KIAA2012: variants seen among roughly 807,000 people sequenced by gnomAD.
KIAA2012 encodes uncharacterized protein KIAA2012.
Under a neutral mutation model 150.6 loss-of-function variants are expected in KIAA2012, and 125 were observed. That is an observed-to-expected ratio of 0.83 (90% CI 0.72 to 0.96). KIAA2012 has a LOEUF of 0.96. KIAA2012 is among the 40% of genes least tolerant of loss of function. The pLI, the probability that KIAA2012 is intolerant of heterozygous loss-of-function variation, is 0.00. For missense variants in KIAA2012, 1,219 were observed against 1,354.9 expected (o/e 0.90, Z 1.57); for synonymous variants, 462 against 504.7 (o/e 0.92, Z 1.13).
intron 2 of KIAA2012, among the ~76,000 whole-genome samples, chr2:202,084,298 C>T (rs143471415): frequency 3.3e-3 from 504 of 152,270 alleles, no homozygotes; most frequent in African/African-American, 0.011. Flanking sequence ...CAAGCCCTAC[C>T]GTCTCCTTCT....
At chr2:202,109,549 C>G in intron 9 of KIAA2012, 64 bp from the exon 10 acceptor site, 108 of 1,371,580 alleles carry the variant, frequency 7.9e-5, no homozygotes, top group Non-Finnish European at 9.9e-5. Flanking sequence ...TAGAAGAGAG[C>G]TTCCTTCTCC....
intron 15 of KIAA2012, among the ~76,000 whole-genome samples, chr2:202,165,772 C>T (rs1387769739): frequency 6.6e-6 from 1 of 152,176 alleles, no homozygotes; most frequent in Non-Finnish European, 1.5e-5. Flanking sequence ...TCACCCTTAA[C>T]TTGATCTTTT....
At chr2:202,096,255 G>T (rs1022060522) in intron 4 of KIAA2012, among the ~76,000 whole-genome samples, 4 of 152,172 alleles carry the variant, frequency 2.6e-5, no homozygotes, top group Admixed American at 2.0e-4. Context: ...TATCCCCAAA[G>T]GTCTTTAGTG....
rs1692237742 is a variant in KIAA2012, at chr2:202,186,856, A to T, written c.2211-77A>T. Reference sequence around the variant, plus strand: ...AGTGCCTGCAGAGAACAGGTGCTCGATGTTGGCTCACTTGCCCTCTTTCTT... The same window carrying T: ...AGTGCCTGCAGAGAACAGGTGCTCGTTGTTGGCTCACTTGCCCTCTTTCTT... On this transcript the variant is annotated intron_variant, in intron 16 of 23. Coordinates refer to ENST00000498697, the MANE Select transcript of KIAA2012 (RefSeq NM_001277372.4). 2.8e-6 allele frequency: 4 copies of T among 1,439,728 alleles called. No individual in the cohort carries two copies. In the Admixed American group the frequency reaches 6.4e-5, roughly 23 times the overall value. 89.2% of individuals were successfully genotyped at this position (1,439,728 alleles called of 1,614,324 possible).
At chr2:202,191,382 A>T (rs1461096024) in intron 19 of KIAA2012, among the ~76,000 whole-genome samples, 1 of 151,896 alleles carries the variant, frequency 6.6e-6, no homozygotes, top group Non-Finnish European at 1.5e-5. Context: ...ATTACCCTTG[A>T]AAATTGCTGC....
At chr2:202,156,627 T>C (rs1316168441) in intron 14 of KIAA2012, among the ~76,000 whole-genome samples, 1 of 152,036 alleles carries the variant, frequency 6.6e-6, no homozygotes, top group African/African-American at 2.4e-5. Context: ...GACTCACGCC[T>C]GTAATCCCAG....
At chr2:202,111,092 A>G (rs941331087) in intron 10 of KIAA2012, among the ~76,000 whole-genome samples, 2 of 152,138 alleles carry the variant, frequency 1.3e-5, no homozygotes, top group Admixed American at 6.5e-5. Flanking sequence ...GTGTACTGTT[A>G]TGTCCCCACC....
At chr2:202,123,296 C>T (rs762920812) in intron 11 of KIAA2012, among the ~76,000 whole-genome samples, 1 of 152,194 alleles carries the variant, frequency 6.6e-6, no homozygotes, top group Non-Finnish European at 1.5e-5. Flanking sequence ...CAACCACCCA[C>T]CACTCAATTC....
At chr2:202,107,519 G>A (rs1690229412) in intron 9 of KIAA2012, among the ~76,000 whole-genome samples, 1 of 152,166 alleles carries the variant, frequency 6.6e-6, no homozygotes, top group Non-Finnish European at 1.5e-5. Context: ...AAGGACACTA[G>A]TGAATTTCAT....
intron 14 of KIAA2012, among the ~76,000 whole-genome samples, chr2:202,158,585 C>A (rs2105715616): frequency 6.6e-6 from 1 of 151,992 alleles, no homozygotes; most frequent in South Asian, 2.1e-4. Context: ...TGGTCTCAAA[C>A]TCCTGACCTC....
In KIAA2012 at chr2:202,186,955, C is replaced by CA; in HGVS notation, c.2234dup (p.His745GlnfsTer12). On this transcript the variant is annotated frameshift_variant, in exon 17 of 24. Coordinates refer to ENST00000498697, the MANE Select transcript of KIAA2012 (RefSeq NM_001277372.4). LOFTEE classifies it high-confidence loss of function. ...AAGGGGCAGAGATTATGATGTACACCACCTACACAGAGGACTTCTGGGATA... is the reference window on the plus strand; with the variant it reads ...AAGGGGCAGAGATTATGATGTACACCAACCTACACAGAGGACTTCTGGGATA... 6.4e-7 allele frequency: 1 copy of CA among 1,550,574 alleles called. No individual in the cohort carries two copies.
Position 202,113,362 on chromosome 2 carries a change from C to T in KIAA2012, c.1678C>T (p.His560Tyr), listed in dbSNP as rs1690427974. 6.4e-7 allele frequency: 1 copy of T among 1,550,738 alleles called. No individual in the cohort carries two copies. The change falls in exon 11 of 24, where the codon CAC becomes TAC. Residue 560 changes from histidine to tyrosine, a missense_variant. His to Tyr is a moderately conservative substitution (Grantham distance 83, BLOSUM62 2). Transcript: ENST00000498697. Reference sequence around the variant, plus strand: ...AGATTCCAGCGACCCTACACTGGGACACTTCTTGCTGGGTCCAGATGGAGA... The same window carrying T: ...AGATTCCAGCGACCCTACACTGGGATACTTCTTGCTGGGTCCAGATGGAGA... ...QEDSSDPTLG[H>Y]FLLGPDGEKV...
intron 11 of KIAA2012, chr2:202,114,867 C>T (rs1690475144): frequency 6.0e-6 from 1 of 166,572 alleles, no homozygotes; most frequent in African/African-American, 2.4e-5. Context: ...GCCTCTCAAA[C>T]CTAAAGGCAT....
intron 9 of KIAA2012, among the ~76,000 whole-genome samples, chr2:202,106,898 A>G (rs1690209881): frequency 6.6e-6 from 1 of 152,184 alleles, no homozygotes; most frequent in Admixed American, 6.5e-5. Context: ...CACGTGCAAG[A>G]TGACAGTATC....
chr2:202,095,226 A>G lies in KIAA2012; in HGVS notation c.685+2041A>G, dbSNP rs141972742. 3.3e-3 allele frequency among the ~76,000 whole-genome samples: 507 copies of G among 152,326 alleles called. 1 individual carries two copies. Among genetic ancestry groups the G allele is most frequent in the African/African-American group, 0.011 (470 of 41,568 alleles). ...AAAATCTATTTTAAAAGAAGCAAAAATAGTTCAGTGGCTGTAACTTGAACC... is the reference window on the plus strand; with the variant it reads ...AAAATCTATTTTAAAAGAAGCAAAAGTAGTTCAGTGGCTGTAACTTGAACC... On this transcript the variant is annotated intron_variant, in intron 4 of 23. Transcript: ENST00000498697.
In KIAA2012 at chr2:202,073,364, G is replaced by T. The variant is rs974519968; in HGVS notation, c.-264G>T. 5 of 375,222 alleles carry T rather than the reference G, an allele frequency of 1.3e-5. No homozygotes were observed. The highest frequency in any genetic ancestry group is 1.2e-4 in the Admixed American group (3 of 25,836). 23.2% of individuals were successfully genotyped at this position (375,222 alleles called of 1,614,324 possible). A position where few individuals can be genotyped will look rare whatever the true frequency, so the allele number is the denominator to read the frequency against. Reference sequence around the variant, plus strand: ...CTCAGGAGAAGGGGAGAGACAGGTCGCCCAGAGAGTAGACAATCCAGGGCT... The same window carrying T: ...CTCAGGAGAAGGGGAGAGACAGGTCTCCCAGAGAGTAGACAATCCAGGGCT... On this transcript the variant is annotated 5_prime_UTR_variant, in exon 1 of 24. Transcript: ENST00000498697.
chr2:202,157,862 T>C (rs1017250386), intron 14 of KIAA2012, among the ~76,000 whole-genome samples: 1 of 152,122 alleles, frequency 6.6e-6, no homozygotes, highest in East Asian at 1.9e-4. Context: ...AAAATTCCAT[T>C]CCTATGGACA....
In KIAA2012 at chr2:202,099,533, G is replaced by A. The variant is rs895934700; in HGVS notation, c.829-80G>A. The stretch of plus-strand genomic sequence containing the variant: ...TTTCATCCTTGAAACCATAAGCCTA[G>A]CCACAAGGGCTGTTAAAGAAACCTG... On this transcript the variant is annotated intron_variant, in intron 5 of 23. Transcript: ENST00000498697. 4.3e-6 allele frequency: 5 copies of A among 1,172,190 alleles called. No individual in the cohort carries two copies. In the African/African-American group the frequency reaches 7.8e-5, roughly 18 times the overall value. 72.6% of individuals were successfully genotyped at this position (1,172,190 alleles called of 1,614,324 possible). A position where few individuals can be genotyped will look rare whatever the true frequency, so the allele number is the denominator to read the frequency against.
Position 202,165,251 on chromosome 2 carries a change from TA to T in KIAA2012, c.2047-31del, listed in dbSNP as rs1472656348. The T allele has an allele frequency of 2.6e-6, 4 of 1,536,980 alleles. No homozygotes were observed. In the African/African-American group the frequency reaches 5.5e-5, roughly 21 times the overall value. ...TTTAAGTGTTTGCATTTATTATGTC[TA>T]ATGTATTCTTTGTTGTGTGTTAACC... On this transcript the variant is annotated intron_variant, in intron 14 of 23. Transcript: ENST00000498697.
Sources: allele counts gnomAD v4.1 joint callset (sites outside exome capture counted in the v4.1 genomes callset), GRCh38; gene constraint gnomAD v4.1.1; transcripts MANE v1.5; gene names NCBI Gene and HGNC (gene_info 2026-07-23, HGNC 2026-07-21).